Variants in CAPZB observed in about 807,000 individuals in gnomAD.
CAPZB encodes F-actin-capping protein subunit beta.
Under a neutral mutation model 38.1 loss-of-function variants are expected in CAPZB, and 2 were observed. That is an observed-to-expected ratio of 0.05 (90% confidence interval 0.02 to 0.17). CAPZB has a LOEUF of 0.17. Among genes scored for constraint, CAPZB ranks in the 10% least tolerant of loss-of-function variants. CAPZB has a pLI of 1.00. For missense variants in CAPZB, 161 were observed against 334.2 expected (o/e 0.48, Z 4.04); for synonymous variants, 107 against 127.4 (o/e 0.84, Z 1.08).
intron 1 of CAPZB, among the ~76,000 whole-genome samples, chr1:19,443,882 T>C (rs900940005): frequency 3.9e-4 from 60 of 152,150 alleles, no homozygotes; most frequent in African/African-American, 1.4e-3. Context: ...CCCCAGGGAG[T>C]GCACACACAC....
At chr1:19,344,168 G>T (rs747296298) in intron 8 of CAPZB, among the ~76,000 whole-genome samples, 190 bp downstream of exon 8, 7 of 152,184 alleles carry the variant, frequency 4.6e-5, no homozygotes, top group Non-Finnish European at 1.0e-4. Context: ...ACCGACAGCT[G>T]CTACGGAGAG....
chr1:19,466,130 C>T (rs760615540), intron 1 of CAPZB, among the ~76,000 whole-genome samples: 9 of 152,160 alleles, frequency 5.9e-5, no homozygotes, highest in African/African-American at 1.7e-4. Flanking sequence ...AATCACTGCA[C>T]GCACTTAGGC....
chr1:19,461,063 A>T (rs868491460), intron 1 of CAPZB, among the ~76,000 whole-genome samples: 1 of 110,070 alleles, frequency 9.1e-6, no homozygotes, highest in African/African-American at 3.4e-5. Flanking sequence ...AAGTAGGCAG[A>T]GCAGCTGTCT....
chr1:19,393,005 G>A (rs2094245508), intron 2 of CAPZB, among the ~76,000 whole-genome samples: 1 of 152,132 alleles, frequency 6.6e-6, no homozygotes, highest in African/African-American at 2.4e-5. Context: ...ACCAGCCTAT[G>A]AGAGATGCAG....
chr1:19,452,143 C>T (rs2094518178), intron 1 of CAPZB, among the ~76,000 whole-genome samples: 1 of 151,936 alleles, frequency 6.6e-6, no homozygotes, highest in Non-Finnish European at 1.5e-5. Context: ...CTGATCATCC[C>T]TCCATCCCTC....
chr1:19,474,142 T>G (rs1285620790), intron 1 of CAPZB, among the ~76,000 whole-genome samples: 1 of 152,036 alleles, frequency 6.6e-6, no homozygotes, highest in African/African-American at 2.4e-5. Context: ...ACTACACGTG[T>G]GTGCCACCAC....
At chr1:19,420,409 T>C (rs2094396706) in intron 1 of CAPZB, among the ~76,000 whole-genome samples, 1 of 152,172 alleles carries the variant, frequency 6.6e-6, no homozygotes, top group South Asian at 2.1e-4. Flanking sequence ...TCAAGCACTC[T>C]TTTAAAAAAT....
chr1:19,432,990 C>A (rs1039287750), intron 1 of CAPZB, among the ~76,000 whole-genome samples: 8 of 152,204 alleles, frequency 5.3e-5, no homozygotes, highest in African/African-American at 1.9e-4. Context: ...CTATCCCTGG[C>A]AGGTGGATTT....
At chr1:19,485,379 G>A (rs566226652) in intron 1 of CAPZB, 57 bp downstream of exon 1, 34 of 1,157,392 alleles carry the variant, frequency 2.9e-5, no homozygotes, top group Admixed American at 8.5e-5. Context: ...GCAGGGGGAG[G>A]GGGACGCGAG....
At chr1:19,389,077 G>A (rs2094218307) in intron 2 of CAPZB, among the ~76,000 whole-genome samples, 1 of 152,114 alleles carries the variant, frequency 6.6e-6, no homozygotes, top group Admixed American at 6.5e-5. Flanking sequence ...AATCTGCTCT[G>A]GAATAATAAC....
intron 3 of CAPZB, among the ~76,000 whole-genome samples, chr1:19,379,112 T>TTG (rs1558202606): frequency 9.5e-5 from 14 of 147,460 alleles, no homozygotes; most frequent in African/African-American, 3.4e-4. Context: ...TTTTTTTTTT[T>TTG]TTTTAAGACA....
At position 19,383,315 on chromosome 1, in the gene CAPZB, G is replaced by A. The variant is rs544256400; in HGVS notation, c.215+2190C>T. Among the ~76,000 whole-genome samples the A allele has an allele frequency of 8.8e-4, 133 of 151,944 alleles. 3 individuals are homozygous for A. The South Asian group carries it at 0.024, about 28-fold the overall frequency. On this transcript the variant is annotated intron_variant, in intron 3 of 8. Transcript: ENST00000264202. ...ACAAAGACTAGCTGGGAGCGATGGC[G>A]TACACCCGTAATCCCAGCTACTTGG...
chr1:19,396,601 G>A (rs186374933), intron 2 of CAPZB, among the ~76,000 whole-genome samples: 309 of 152,166 alleles, frequency 2.0e-3, no homozygotes, highest in Non-Finnish European at 3.3e-3. Context: ...TTCTCTTCCC[G>A]GACGGTCCTC....
At chr1:19,441,954 C>A (rs58416206) in intron 1 of CAPZB, among the ~76,000 whole-genome samples, 65,557 of 145,664 alleles carry the variant, frequency 0.45, 14,938 homozygotes, top group African/African-American at 0.54. Flanking sequence ...GGTTGCAGTG[C>A]GCTGAGATTG....
intron 2 of CAPZB, among the ~76,000 whole-genome samples, chr1:19,399,117 C>T (rs1286673379): frequency 1.3e-5 from 2 of 152,018 alleles, no homozygotes; most frequent in Non-Finnish European, 2.9e-5. Context: ...CTTGCCCTCC[C>T]GAAGTGCTGG....
At chr1:19,435,083 A>G (rs896647204) in intron 1 of CAPZB, among the ~76,000 whole-genome samples, 52 of 147,698 alleles carry the variant, frequency 3.5e-4, no homozygotes, top group Non-Finnish European at 1.8e-4. Flanking sequence ...CCCTAAAGGC[A>G]TGAGAGTGGG....
At chr1:19,368,786 GC>G (rs1199812357) in intron 4 of CAPZB, among the ~76,000 whole-genome samples, 1 of 151,664 alleles carries the variant, frequency 6.6e-6, no homozygotes, top group Non-Finnish European at 1.5e-5. Flanking sequence ...TCCCACCTCA[GC>G]CCCCAGACAC....
rs748724708 is a variant in CAPZB at position 19,385,489 on chromosome 1, C to T, written c.215+16G>A. ...GTGCCTGCTGTGCCTGCTGCATCCC[C>T]GGGGCATGAGCTCACCTATAGGAGT... On this transcript the variant is annotated intron_variant, in intron 3 of 8. Transcript: ENST00000264202. 16 of 1,611,882 alleles carry T rather than the reference C, an allele frequency of 9.9e-6. No individual in the cohort carries two copies. In the East Asian group the frequency reaches 1.6e-4, roughly 16 times the overall value.
At chr1:19,353,893 G>A (rs1304955377) in intron 6 of CAPZB, among the ~76,000 whole-genome samples, 2 of 152,238 alleles carry the variant, frequency 1.3e-5, no homozygotes, top group Non-Finnish European at 2.9e-5. Flanking sequence ...GATCCTGCTT[G>A]CGGGGCCTGC....
Sources: allele counts gnomAD v4.1 joint callset (sites outside exome capture counted in the v4.1 genomes callset), GRCh38; gene constraint gnomAD v4.1.1; transcripts MANE v1.5; gene names NCBI Gene and HGNC (gene_info 2026-07-23, HGNC 2026-07-21).